Variants in PTPRK observed in about 807,000 individuals in gnomAD.
The protein encoded by PTPRK is receptor-type tyrosine-protein phosphatase kappa.
Under a neutral mutation model 178.0 loss-of-function variants are expected in PTPRK, and 75 were observed. That is an observed-to-expected ratio of 0.42 (90% CI 0.35 to 0.51). PTPRK has a LOEUF of 0.51. PTPRK is among the 20% of genes least tolerant of loss of function. The pLI is 0.02. For synonymous variants in PTPRK, 637 were observed against 620.6 expected (o/e 1.03, Z -0.39); for missense variants, 1,441 against 1,797.8 (o/e 0.80, Z 3.59).
intron 2 of PTPRK, among the ~76,000 whole-genome samples, chr6:128,371,157 CAA>C (rs1836220521): frequency 6.6e-6 from 1 of 152,092 alleles, no homozygotes; most frequent in Non-Finnish European, 1.5e-5. Context: ...CAAAAAAACT[CAA>C]AAAACACTTT....
chr6:128,293,385 A>C (rs1324326252), intron 3 of PTPRK, among the ~76,000 whole-genome samples: 1 of 152,054 alleles, frequency 6.6e-6, no homozygotes, highest in African/African-American at 2.4e-5. Flanking sequence ...GTGGCAAAAC[A>C]AAACAAAACA....
At chr6:128,507,103 T>C (rs1485140737) in intron 1 of PTPRK, among the ~76,000 whole-genome samples, 1 of 152,116 alleles carries the variant, frequency 6.6e-6, no homozygotes, top group African/African-American at 2.4e-5. Context: ...TGTTGGAATG[T>C]ATATTCCCAC....
At chr6:128,020,908 A>G (rs769000508) in intron 13 of PTPRK, among the ~76,000 whole-genome samples, 2 of 152,178 alleles carry the variant, frequency 1.3e-5, no homozygotes, top group Non-Finnish European at 2.9e-5. Context: ...AATACACAAC[A>G]TGGTTTAAAT....
intron 1 of PTPRK, among the ~76,000 whole-genome samples, chr6:128,440,449 T>C (rs1846134779): frequency 6.6e-6 from 1 of 152,206 alleles, no homozygotes; most frequent in African/African-American, 2.4e-5. Flanking sequence ...TGCTAAAGTA[T>C]GATTTTTAAA....
At chr6:128,333,242 T>C (rs1430006607) in intron 2 of PTPRK, among the ~76,000 whole-genome samples, 1 of 152,180 alleles carries the variant, frequency 6.6e-6, no homozygotes, top group Non-Finnish European at 1.5e-5. Flanking sequence ...AATTCCCACC[T>C]GTTGTCTGGA....
chr6:128,315,824 TTCG>T (rs1456977182), intron 3 of PTPRK, among the ~76,000 whole-genome samples: 1 of 152,306 alleles, frequency 6.6e-6, no homozygotes, highest in African/African-American at 2.4e-5. Context: ...AAAAAACGTA[TTCG>T]TTTTTGTTTG....
At chr6:128,211,517 C>T (rs904294001) in intron 6 of PTPRK, among the ~76,000 whole-genome samples, 2 of 152,010 alleles carry the variant, frequency 1.3e-5, no homozygotes, top group East Asian at 1.9e-4. Flanking sequence ...CGGTTTTGAT[C>T]GACACATTAA....
At chr6:128,393,592 A>C (rs1009977958) in intron 2 of PTPRK, among the ~76,000 whole-genome samples, 11 of 152,222 alleles carry the variant, frequency 7.2e-5, no homozygotes, top group Admixed American at 1.3e-4. Context: ...GTAAGAGATT[A>C]ACGAATGGAT....
intron 7 of PTPRK, among the ~76,000 whole-genome samples, chr6:128,181,621 T>C (rs1349233783): frequency 6.6e-6 from 1 of 152,084 alleles, no homozygotes; most frequent in Non-Finnish European, 1.5e-5. Context: ...TTATGAAGCA[T>C]TTATAAGTTT....
At chr6:128,164,103 A>T (rs1185623688) in intron 7 of PTPRK, among the ~76,000 whole-genome samples, 3 of 151,458 alleles carry the variant, frequency 2.0e-5, no homozygotes, top group Non-Finnish European at 4.4e-5. Context: ...ATACCCCAGC[A>T]CCAACTCTAA....
intron 7 of PTPRK, among the ~76,000 whole-genome samples, chr6:128,124,043 T>G (rs1046561019): frequency 7.7e-6 from 1 of 130,698 alleles, no homozygotes; most frequent in Admixed American, 7.6e-5. Context: ...TTAAAACTTG[T>G]TTTTTTTTTT....
intron 7 of PTPRK, among the ~76,000 whole-genome samples, chr6:128,150,152 C>G (rs987580486): frequency 6.6e-6 from 1 of 152,046 alleles, no homozygotes; most frequent in Non-Finnish European, 1.5e-5. Context: ...TAGCTACAAT[C>G]AATATAGCAG....
At chr6:128,189,212 A>G (rs1803294241) in intron 6 of PTPRK, among the ~76,000 whole-genome samples, 1 of 143,246 alleles carries the variant, frequency 7.0e-6, no homozygotes, top group Admixed American at 7.0e-5. Flanking sequence ...TAATTTATAT[A>G]TATATCATAT....
At chr6:128,323,804 T>C (rs1010881572) in intron 2 of PTPRK, among the ~76,000 whole-genome samples, 2 of 152,170 alleles carry the variant, frequency 1.3e-5, no homozygotes, top group African/African-American at 4.8e-5. Flanking sequence ...TTTTCCTAGT[T>C]ATCATCTTCT....
chr6:128,115,873 T>C (rs1791445157), intron 7 of PTPRK, among the ~76,000 whole-genome samples: 1 of 152,100 alleles, frequency 6.6e-6, no homozygotes, highest in South Asian at 2.1e-4. Context: ...TCTCCCATAT[T>C]TAATGCATAC....
At chr6:128,104,921 A>T (rs1174436284) in intron 7 of PTPRK, among the ~76,000 whole-genome samples, 1 of 152,224 alleles carries the variant, frequency 6.6e-6, no homozygotes, top group African/African-American at 2.4e-5. Flanking sequence ...TCCAAAGGTG[A>T]AAAGTCTTGG....
chr6:128,435,990 G>GAAA (rs530420079), intron 1 of PTPRK, among the ~76,000 whole-genome samples: 1 of 131,406 alleles, frequency 7.6e-6, no homozygotes, highest in African/African-American at 3.3e-5. Context: ...TGAGAAAGAG[G>GAAA]AAAAAAAAAA....
At chr6:128,508,340 A>C (rs1856665397) in intron 1 of PTPRK, among the ~76,000 whole-genome samples, 1 of 151,184 alleles carries the variant, frequency 6.6e-6, no homozygotes, top group Non-Finnish European at 1.5e-5. Flanking sequence ...GAGTGAAAGA[A>C]TAAATGAAAG....
At chr6:128,241,450 C>T (rs1263022320) in intron 4 of PTPRK, among the ~76,000 whole-genome samples, 1 of 152,190 alleles carries the variant, frequency 6.6e-6, no homozygotes, top group Non-Finnish European at 1.5e-5. Flanking sequence ...AGTTTGACAA[C>T]CACTCAGCAG....
Sources: gnomAD v4.1 joint callset for allele counts (sites outside exome capture counted in the v4.1 genomes callset) on GRCh38, gnomAD v4.1.1 for gene constraint, MANE v1.5 for transcripts, NCBI Gene and HGNC (gene_info 2026-07-23, HGNC 2026-07-21) for gene names.